DOCK5: variants seen among roughly 807,000 people sequenced by gnomAD.
DOCK5 encodes the protein dedicator of cytokinesis 5, also known as dedicator of cytokinesis protein 5.
Under a neutral mutation model 251.8 loss-of-function variants are expected in DOCK5, and 142 were observed. That is an observed-to-expected ratio of 0.56 (90% confidence interval 0.49 to 0.65). The LOEUF (loss-of-function observed/expected upper bound fraction) is 0.65, where lower values mean the gene tolerates loss of function less well. Among genes scored for constraint, DOCK5 ranks in the 30% least tolerant of loss-of-function variants. The pLI is 0.00. For synonymous variants in DOCK5, 842 were observed against 835.5 expected, an observed-to-expected ratio of 1.01 and a Z score of -0.13; for missense variants, 2,111 against 2,312.3, an observed-to-expected ratio of 0.91 and a Z score of 1.79.
chr8:25,264,383 CA>C (rs1160631563), intron 2 of DOCK5, among the ~76,000 whole-genome samples: 4 of 150,724 alleles, frequency 2.7e-5, no homozygotes, highest in Non-Finnish European at 4.4e-5. Context: ...AAAAAAACAA[CA>C]AAAAAAACCT....
At chr8:25,199,049 T>C (rs1174648538) in intron 1 of DOCK5, among the ~76,000 whole-genome samples, 1 of 152,216 alleles carries the variant, frequency 6.6e-6, no homozygotes, top group Non-Finnish European at 1.5e-5. Context: ...TTGCACGGTT[T>C]GGCCACTGAC....
At position 25,296,601 on chromosome 8, in the gene DOCK5, C is replaced by T. The variant is rs1215702522; in HGVS notation, c.559C>T (p.His187Tyr). Residue 187 changes from histidine (H) to tyrosine (Y), a missense_variant, in exon 7 of 52, where the codon CAT becomes TAT. Transcript: ENST00000276440. ...ETSTIALFKAHEVASKRIEEK... is the reference protein window; with the variant it reads ...ETSTIALFKAYEVASKRIEEK... ...CAGCACCATTGCCCTCTTCAAGGCCCATGAGGTGGCCTCCAAAAGGATTGA... is the reference window on the plus strand; with the variant it reads ...CAGCACCATTGCCCTCTTCAAGGCCTATGAGGTGGCCTCCAAAAGGATTGA... 3 of 1,612,442 alleles carry T rather than the reference C, an allele frequency of 1.9e-6. No homozygotes were observed. The highest frequency in any genetic ancestry group is 1.7e-5 in the Admixed American group (1 of 59,816).
chr8:25,357,987 G>T (rs973051732), intron 27 of DOCK5, among the ~76,000 whole-genome samples: 8 of 152,126 alleles, frequency 5.3e-5, no homozygotes. Context: ...CAGTGTTAAT[G>T]AATCATCTAG....
chr8:25,272,640 C>T (rs1027911981), intron 3 of DOCK5, among the ~76,000 whole-genome samples: 2 of 152,154 alleles, frequency 1.3e-5, no homozygotes, highest in East Asian at 1.9e-4. Context: ...CCGTGCCCAG[C>T]GCCTCCGCAA....
At chr8:25,399,402 A>T (rs1801399258) in intron 45 of DOCK5, among the ~76,000 whole-genome samples, 1 of 152,182 alleles carries the variant, frequency 6.6e-6, no homozygotes, top group Non-Finnish European at 1.5e-5. Context: ...GGGATAGGGG[A>T]CTAGTAAGAA....
chr8:25,333,987 C>T, intron 20 of DOCK5, 109 bp from the exon 21 acceptor site: 2 of 776,884 alleles, frequency 2.6e-6, no homozygotes, highest in South Asian at 3.0e-5. Flanking sequence ...GGGAATGCTG[C>T]AGAAAAGATC....
intron 3 of DOCK5, among the ~76,000 whole-genome samples, chr8:25,272,677 T>C (rs1259641627): frequency 2.2e-4 from 33 of 152,328 alleles, no homozygotes; most frequent in Non-Finnish European, 4.4e-5. Flanking sequence ...TTATGAGTTT[T>C]GGACTTTTTT....
chr8:25,274,591 T>TA (rs1325076021), intron 3 of DOCK5, among the ~76,000 whole-genome samples: 1 of 152,210 alleles, frequency 6.6e-6, no homozygotes, highest in African/African-American at 2.4e-5. Context: ...TGGGCAGTGT[T>TA]ACAATACTGA....
At chr8:25,326,658 A>C (rs1321502248) in intron 18 of DOCK5, among the ~76,000 whole-genome samples, 1 of 152,196 alleles carries the variant, frequency 6.6e-6, no homozygotes, top group Non-Finnish European at 1.5e-5. Flanking sequence ...ATGGAAGATA[A>C]TTTAGAAGGC....
chr8:25,309,072 G>A (rs1805023137), intron 12 of DOCK5, 147 bp downstream of exon 12: 1 of 1,075,692 alleles, frequency 9.3e-7, no homozygotes, highest in South Asian at 2.0e-5. Context: ...CCAACCACAG[G>A]CTTTTAATAC....
intron 37 of DOCK5, chr8:25,376,504 A>G (rs1800966482): frequency 4.2e-6 from 2 of 471,376 alleles, no homozygotes; most frequent in Non-Finnish European, 5.5e-6. Flanking sequence ...AGTGTGTTTT[A>G]TGACCTGGTA....
At chr8:25,366,240 C>T (rs1197734241) in intron 30 of DOCK5, among the ~76,000 whole-genome samples, 1 of 152,188 alleles carries the variant, frequency 6.6e-6, no homozygotes, top group Admixed American at 6.5e-5. Context: ...CCTATAGTCT[C>T]AGCACTTTGG....
intron 37 of DOCK5, chr8:25,376,103 GAAA>G (rs59845416): frequency 0.023 from 20,420 of 902,108 alleles, no homozygotes; most frequent in Middle Eastern, 0.036. Context: ...TGTCTCAAAA[GAAA>G]AAAAAAAAAA....
At chr8:25,343,291 A>G (rs527950440) in intron 25 of DOCK5, among the ~76,000 whole-genome samples, 2 of 152,218 alleles carry the variant, frequency 1.3e-5, no homozygotes, top group Non-Finnish European at 2.9e-5. Context: ...TTACAGGCAT[A>G]ATTACCGTGC....
In DOCK5 at chr8:25,258,213, C is replaced by T. The variant is rs1056813616; in HGVS notation, c.128-10632C>T. On this transcript the variant is annotated intron_variant, in intron 2 of 51. Transcript: ENST00000276440. ...CTGACTGTGATTTGGTCCTCTTCCT[C>T]ATCCCTCACTGCCTGGACCAGGTCT... Among the ~76,000 whole-genome samples, 10 of 151,924 alleles carry T rather than the reference C, an allele frequency of 6.6e-5. No individual in the cohort carries two copies. In the South Asian group the frequency reaches 2.1e-3, roughly 32 times the overall value.
At chr8:25,266,556 G>A (rs1056056928) in intron 2 of DOCK5, among the ~76,000 whole-genome samples, 2 of 151,816 alleles carry the variant, frequency 1.3e-5, no homozygotes, top group African/African-American at 2.4e-5. Flanking sequence ...CTGTAAATAC[G>A]CGGGATTAAT....
At chr8:25,342,349 C>A in intron 24 of DOCK5, 52 bp from the exon 25 acceptor site, 1 of 1,389,114 alleles carries the variant, frequency 7.2e-7, no homozygotes, top group South Asian at 1.2e-5. Flanking sequence ...TATAATGATG[C>A]CTTCAATTTG....
intron 40 of DOCK5, among the ~76,000 whole-genome samples, chr8:25,383,780 A>G (rs773924705): frequency 3.8e-4 from 57 of 151,598 alleles, no homozygotes; most frequent in Middle Eastern, 3.4e-3. Context: ...GCTTGAACCC[A>G]GGAGGTGGAG....
At chr8:25,353,125 C>T (rs528302663) in intron 27 of DOCK5, among the ~76,000 whole-genome samples, 15 of 152,192 alleles carry the variant, frequency 9.9e-5, no homozygotes, top group South Asian at 8.3e-4. Context: ...ATCTCTGAGC[C>T]GAGGAGTTCG....
Sources: gnomAD v4.1 joint callset for allele counts (sites outside exome capture counted in the v4.1 genomes callset) on GRCh38, gnomAD v4.1.1 for gene constraint, MANE v1.5 for transcripts, NCBI Gene and HGNC (gene_info 2026-07-23, HGNC 2026-07-21) for gene names.